The following ZMAT3 variants were observed in gnomAD, a reference collection of about 807,000 sequenced individuals.
ZMAT3 encodes zinc finger matrin-type protein 3.
ZMAT3 carries 17 observed loss-of-function variants against 32.3 expected under a neutral mutation model. The ratio of observed to expected loss-of-function variants is 0.53; its 90% CI spans 0.36 to 0.79. ZMAT3 has a LOEUF of 0.79. Among genes scored for constraint, ZMAT3 ranks in the 30% least tolerant of loss-of-function variants. ZMAT3 has a pLI of 0.00. For synonymous variants in ZMAT3, 120 were observed against 133.1 expected, an observed-to-expected ratio of 0.90 and a Z score of 0.68; for missense variants, 329 against 359.7, an observed-to-expected ratio of 0.91 and a Z score of 0.69.
intron 2 of ZMAT3, among the ~76,000 whole-genome samples, chr3:179,033,850 T>C (rs943604372): frequency 6.6e-6 from 1 of 152,238 alleles, no homozygotes; most frequent in Non-Finnish European, 1.5e-5. Context: ...ATCCAGAGAC[T>C]GTAAGGAGCT....
chr3:179,055,793 T>C (rs1211941647), intron 2 of ZMAT3, among the ~76,000 whole-genome samples: 1 of 152,182 alleles, frequency 6.6e-6, no homozygotes, highest in Non-Finnish European at 1.5e-5. Flanking sequence ...AATCAGACAC[T>C]AACCCCAAAT....
intron 2 of ZMAT3, among the ~76,000 whole-genome samples, chr3:179,055,374 T>C (rs749720036): frequency 3.8e-4 from 58 of 152,244 alleles, no homozygotes; most frequent in Non-Finnish European, 6.2e-4. Flanking sequence ...AAGTGCCATA[T>C]GTGCAAACTT....
chr3:179,026,709 CT>C (rs895496557), intron 5 of ZMAT3, among the ~76,000 whole-genome samples: 25 of 152,140 alleles, frequency 1.6e-4, no homozygotes, highest in African/African-American at 6.0e-4. Context: ...TCTATATGTC[CT>C]TTTTTTAGTA....
intron 2 of ZMAT3, among the ~76,000 whole-genome samples, chr3:179,036,869 G>A (rs929020106): frequency 4.6e-5 from 7 of 152,068 alleles, no homozygotes; most frequent in Non-Finnish European, 5.9e-5. Flanking sequence ...AGTCCACAAC[G>A]AGAGTGAGAA....
Position 179,020,524 on chromosome 3 carries a change from T to C in ZMAT3, c.*4493A>G, listed in dbSNP as rs1318875424. ...TAGAAGAAAAAAATAGTTGGTAAGGTCAAATTTGTTTTAAAACATCTGTTC... is the reference window on the plus strand; with the variant it reads ...TAGAAGAAAAAAATAGTTGGTAAGGCCAAATTTGTTTTAAAACATCTGTTC... On this transcript the variant is annotated 3_prime_UTR_variant, in exon 6 of 6. Coordinates refer to ENST00000311417, the MANE Select transcript of ZMAT3 (RefSeq NM_022470.4). The C allele has an allele frequency of 6.6e-6, 1 of 152,182 alleles. No homozygotes were observed. The highest frequency in any genetic ancestry group is 1.5e-5 in the Non-Finnish European group (1 of 68,020). 9.4% of individuals were successfully genotyped at this position (152,182 alleles called of 1,614,324 possible). A position where few individuals can be genotyped will look rare whatever the true frequency, so the allele number is the denominator to read the frequency against.
chr3:179,048,833 C>T (rs928043810), intron 2 of ZMAT3, among the ~76,000 whole-genome samples: 1 of 147,286 alleles, frequency 6.8e-6, no homozygotes, highest in Non-Finnish European at 1.5e-5. Context: ...TCAATATTAA[C>T]ATTGAATGCA....
intron 2 of ZMAT3, among the ~76,000 whole-genome samples, chr3:179,052,401 A>G (rs1401284655): frequency 1.3e-5 from 2 of 152,250 alleles, no homozygotes; most frequent in African/African-American, 4.8e-5. Context: ...AAAATGCTCA[A>G]CATCACTAAT....
chr3:179,056,441 G>A (rs1010169923), intron 2 of ZMAT3, among the ~76,000 whole-genome samples: 10 of 152,102 alleles, frequency 6.6e-5, no homozygotes, highest in South Asian at 4.1e-4. Flanking sequence ...CTTCCAGTGC[G>A]GTCTACAAGG....
intron 2 of ZMAT3, among the ~76,000 whole-genome samples, chr3:179,042,208 A>G (rs1719976195): frequency 6.6e-6 from 1 of 151,138 alleles, no homozygotes; most frequent in Admixed American, 6.6e-5. Flanking sequence ...CAATAAAAAG[A>G]GGGAACTCAT....
chr3:179,055,940 G>C (rs185010553), intron 2 of ZMAT3, among the ~76,000 whole-genome samples: 85 of 152,248 alleles, frequency 5.6e-4, no homozygotes, highest in East Asian at 5.0e-3. Flanking sequence ...GACCCTCATT[G>C]GGACACAGAA....
chr3:179,056,160 C>A (rs994455199), intron 2 of ZMAT3, among the ~76,000 whole-genome samples: 1 of 152,140 alleles, frequency 6.6e-6, no homozygotes, highest in African/African-American at 2.4e-5. Flanking sequence ...GCCAACTAAT[C>A]TTAAAGGATA....
intron 2 of ZMAT3, among the ~76,000 whole-genome samples, chr3:179,054,119 G>C (rs1456137451): frequency 6.6e-6 from 1 of 152,142 alleles, no homozygotes; most frequent in Non-Finnish European, 1.5e-5. Context: ...CTAAAATGTT[G>C]ATAAAATAAA....
chr3:179,032,698 CATCT>C (rs1333716209), intron 2 of ZMAT3, among the ~76,000 whole-genome samples: 1 of 151,432 alleles, frequency 6.6e-6, no homozygotes, highest in Admixed American at 6.6e-5. Context: ...ACCACCACCC[CATCT>C]GGGAGGTGAG....
chr3:179,023,703 TATA>T lies in ZMAT3; in HGVS notation c.*1311_*1313del, dbSNP rs1718677693. On this transcript the variant is annotated 3_prime_UTR_variant, in exon 6 of 6. Coordinates refer to ENST00000311417, the MANE Select transcript of ZMAT3 (RefSeq NM_022470.4). ...AACTGCTGGAAAATATATCTATATA[TATA>T]TATATTTTTTTTTTTTTTTTTTTTT... 2 of 16,696 alleles carry T rather than the reference TATA, an allele frequency of 1.2e-4. No homozygotes were observed. The highest frequency in any genetic ancestry group is 3.0e-4 in the African/African-American group (1 of 3,330). 1.0% of individuals were successfully genotyped at this position (16,696 alleles called of 1,614,324 possible).
At chr3:179,034,746 T>G (rs1027783529) in intron 2 of ZMAT3, among the ~76,000 whole-genome samples, 1 of 152,140 alleles carries the variant, frequency 6.6e-6, no homozygotes, top group Non-Finnish European at 1.5e-5. Flanking sequence ...TCATCCACAG[T>G]AGGTAAATGG....
At chr3:179,058,034 TC>T (rs1430945804) in intron 2 of ZMAT3, among the ~76,000 whole-genome samples, 1 of 152,156 alleles carries the variant, frequency 6.6e-6, no homozygotes, top group African/African-American at 2.4e-5. Flanking sequence ...CTTACACAGG[TC>T]CGAGGGATGA....
At chr3:179,067,430 G>C in intron 2 of ZMAT3, 53 bp downstream of exon 2, 2 of 1,583,334 alleles carry the variant, frequency 1.3e-6, no homozygotes, top group Middle Eastern at 3.4e-4. Flanking sequence ...TAAATAGCCA[G>C]AGCCCTGAAA....
intron 2 of ZMAT3, among the ~76,000 whole-genome samples, chr3:179,042,078 T>C (rs1210122053): frequency 3.3e-5 from 5 of 152,138 alleles, no homozygotes; most frequent in Admixed American, 2.0e-4. Flanking sequence ...GGCTCTGAAA[T>C]TGAGGCAATA....
At chr3:179,055,475 T>TCCCC (rs1307862100) in intron 2 of ZMAT3, among the ~76,000 whole-genome samples, 1 of 139,698 alleles carries the variant, frequency 7.2e-6, no homozygotes, top group African/African-American at 2.7e-5. Flanking sequence ...TACCCCAGCG[T>TCCCC]CCCCTCCCCG....
Sources: allele counts gnomAD v4.1 joint callset (sites outside exome capture counted in the v4.1 genomes callset), GRCh38; gene constraint gnomAD v4.1.1; transcripts MANE v1.5; gene names NCBI Gene and HGNC (gene_info 2026-07-23, HGNC 2026-07-21).